POFUT3: variants seen among roughly 807,000 people sequenced by gnomAD.
POFUT3 encodes the protein protein O-fucosyltransferase 3.
the POFUT3 span, among the ~76,000 whole-genome samples, chr8:33,408,232 G>C: frequency 4.0e-5 from 6 of 151,734 alleles, no homozygotes; most frequent in African/African-American, 1.5e-4. Flanking sequence ...GGCTGAAGCA[G>C]GGGATCACTT....
chr8:33,389,546 C>A, the POFUT3 span: 55 of 1,614,048 alleles, frequency 3.4e-5, no homozygotes, highest in Non-Finnish European at 4.5e-5. Flanking sequence ...CGGAGCAAGT[C>A]TTTTTCTAAG....
chr8:33,436,633 T>C, the POFUT3 span: 2 of 877,028 alleles, frequency 2.3e-6, 1 homozygote, highest in South Asian at 2.6e-5. Context: ...CCCATACTGC[T>C]AGAAGAGTGA....
At chr8:33,408,946 T>G in the POFUT3 span, among the ~76,000 whole-genome samples, 1 of 152,080 alleles carries the variant, frequency 6.6e-6, no homozygotes, top group African/African-American at 2.4e-5. Context: ...AAACTTAACC[T>G]TTAAAGTGTT....
the POFUT3 span, among the ~76,000 whole-genome samples, chr8:33,447,773 T>C: frequency 6.6e-6 from 1 of 152,216 alleles, no homozygotes; most frequent in Non-Finnish European, 1.5e-5. Context: ...GTTTCCTTTA[T>C]CCTTAATTAG....
chr8:33,462,923 C>A, the POFUT3 span, among the ~76,000 whole-genome samples: 2 of 151,308 alleles, frequency 1.3e-5, no homozygotes, highest in African/African-American at 4.9e-5. Flanking sequence ...AGAGCAAGAC[C>A]CTATCTCAAA....
chr8:33,389,731 A>G, the POFUT3 span: 1 of 1,614,192 alleles, frequency 6.2e-7, no homozygotes, highest in Non-Finnish European at 8.5e-7. Flanking sequence ...GGGACTCTTC[A>G]TGAAAAACAG....
chr8:33,328,756 A>G, the POFUT3 span, among the ~76,000 whole-genome samples: 1 of 152,150 alleles, frequency 6.6e-6, no homozygotes, highest in Non-Finnish European at 1.5e-5. Flanking sequence ...GGTCAGAGAG[A>G]TGTAGAACAC....
the POFUT3 span, among the ~76,000 whole-genome samples, chr8:33,324,728 A>C: frequency 1.4e-5 from 2 of 145,490 alleles, no homozygotes; most frequent in African/African-American, 5.1e-5. Flanking sequence ...CCCCAACCCC[A>C]CTCTTCTCCC....
the POFUT3 span, among the ~76,000 whole-genome samples, chr8:33,453,801 G>A: frequency 6.6e-6 from 1 of 151,994 alleles, no homozygotes; most frequent in African/African-American, 2.4e-5. Context: ...ACAAAAATTA[G>A]TCAGGCATGG....
At chr8:33,424,104 A>C in the POFUT3 span, among the ~76,000 whole-genome samples, 5,129 of 151,966 alleles carry the variant, frequency 0.034, 151 homozygotes, top group East Asian at 0.16. Flanking sequence ...GCACCACTGC[A>C]CTACAGCCTG....
the POFUT3 span, among the ~76,000 whole-genome samples, chr8:33,403,015 C>T: frequency 2.6e-5 from 4 of 151,872 alleles, no homozygotes; most frequent in African/African-American, 9.7e-5. Context: ...GAGCCGAGAT[C>T]GCACCCCTGC....
chr8:33,445,524 G>A, the POFUT3 span, among the ~76,000 whole-genome samples: 3 of 152,216 alleles, frequency 2.0e-5, no homozygotes, highest in South Asian at 6.2e-4. Context: ...ACCAGGGGTG[G>A]CGGTATAAGG....
At chr8:33,412,187 C>G in the POFUT3 span, among the ~76,000 whole-genome samples, 1 of 152,100 alleles carries the variant, frequency 6.6e-6, no homozygotes, top group Non-Finnish European at 1.5e-5. Context: ...AACCCACGGG[C>G]TTTGAAATCA....
the POFUT3 span, among the ~76,000 whole-genome samples, chr8:33,425,976 T>C: frequency 2.8e-4 from 42 of 151,728 alleles, no homozygotes; most frequent in Admixed American, 2.6e-3. Context: ...TGATCTCGGC[T>C]CACTGCAGCC....
the POFUT3 span, among the ~76,000 whole-genome samples, chr8:33,386,576 T>A: frequency 6.6e-6 from 1 of 152,248 alleles, no homozygotes; most frequent in Admixed American, 6.5e-5. Context: ...TTTGTGAGGC[T>A]GAGGCGGGAG....
At chr8:33,444,254 C>G in the POFUT3 span, among the ~76,000 whole-genome samples, 1 of 151,998 alleles carries the variant, frequency 6.6e-6, no homozygotes, top group African/African-American at 2.4e-5. Context: ...GGGCACAGAT[C>G]TGACCGGTGT....
the POFUT3 span, among the ~76,000 whole-genome samples, chr8:33,354,860 G>T: frequency 1.2e-4 from 19 of 152,306 alleles, 1 homozygote; most frequent in African/African-American, 4.6e-4. Flanking sequence ...GGGCATGGGG[G>T]ATGACATCAT....
chr8:33,347,415 T>G, the POFUT3 span, among the ~76,000 whole-genome samples: 140 of 152,356 alleles, frequency 9.2e-4, no homozygotes, highest in African/African-American at 3.2e-3. Flanking sequence ...GACTTGGCTT[T>G]GGTTACTATT....
At chr8:33,310,289 A>G in the POFUT3 span, among the ~76,000 whole-genome samples, 1 of 152,156 alleles carries the variant, frequency 6.6e-6, no homozygotes, top group Admixed American at 6.5e-5. Context: ...AGTGTGCTTT[A>G]CAGAAAAAGC....
Sources: allele counts gnomAD v4.1 joint callset (sites outside exome capture counted in the v4.1 genomes callset), GRCh38; gene constraint gnomAD v4.1.1; transcripts MANE v1.5; gene names NCBI Gene and HGNC (gene_info 2026-07-23, HGNC 2026-07-21).